The following OTUD7A variants were observed in gnomAD, a reference collection of about 807,000 sequenced individuals.
The protein encoded by OTUD7A is OTU domain-containing protein 7A.
OTUD7A carries 12 observed loss-of-function variants against 65.7 expected under a neutral mutation model. The observed-to-expected ratio is 0.18, with a 90% confidence interval of 0.12 to 0.30. The LOEUF is 0.30. Among genes scored for constraint, OTUD7A ranks in the 10% least tolerant of loss-of-function variants. The pLI, the probability that OTUD7A is intolerant of heterozygous loss-of-function variation, is 1.00. For synonymous variants in OTUD7A, 641 were observed against 586.3 expected (o/e 1.09, Z -1.35); for missense variants, 1,148 against 1,304.8 (o/e 0.88, Z 1.85).
intron 1 of OTUD7A, among the ~76,000 whole-genome samples, chr15:31,793,030 T>C (rs1056397669): frequency 6.6e-6 from 1 of 152,178 alleles, no homozygotes; most frequent in Non-Finnish European, 1.5e-5. Context: ...AGATGGCGTG[T>C]GGGCACAGGA....
intron 4 of OTUD7A, among the ~76,000 whole-genome samples, chr15:31,569,592 T>C (rs1888981715): frequency 6.6e-6 from 1 of 152,248 alleles, no homozygotes; most frequent in Admixed American, 6.5e-5. Context: ...TCCTTTGTTA[T>C]AATAAGCATA....
intron 3 of OTUD7A, among the ~76,000 whole-genome samples, chr15:31,578,022 A>G (rs1336941671): frequency 6.6e-6 from 1 of 152,148 alleles, no homozygotes; most frequent in Admixed American, 6.5e-5. Context: ...AGACTCAACA[A>G]TGGAACATAA....
intron 5 of OTUD7A, among the ~76,000 whole-genome samples, chr15:31,535,674 GTT>G (rs55826357): frequency 0.048 from 5,375 of 111,926 alleles, 184 homozygotes; most frequent in African/African-American, 0.18. Flanking sequence ...TTCTGTTTTT[GTT>G]TTTTTTTTTT....
chr15:31,545,205 G>T (rs1431735564), intron 5 of OTUD7A, among the ~76,000 whole-genome samples: 2 of 152,120 alleles, frequency 1.3e-5, no homozygotes, highest in East Asian at 1.9e-4. Context: ...ATAAAGAAAA[G>T]ATGATTTCAA....
intron 1 of OTUD7A, among the ~76,000 whole-genome samples, chr15:31,719,349 A>G (rs1427887383): frequency 2.0e-5 from 3 of 151,810 alleles, no homozygotes; most frequent in Non-Finnish European, 4.4e-5. Context: ...ACATGCCAAA[A>G]CTCAGCTGCA....
At chr15:31,776,540 T>C (rs112495402) in intron 1 of OTUD7A, among the ~76,000 whole-genome samples, 118 of 152,286 alleles carry the variant, frequency 7.7e-4, no homozygotes, top group African/African-American at 2.8e-3. Flanking sequence ...GGTTCACCTT[T>C]CCTTGCATTC....
chr15:31,806,502 T>A (rs1896273556), intron 1 of OTUD7A, among the ~76,000 whole-genome samples: 1 of 152,202 alleles, frequency 6.6e-6, no homozygotes, highest in Non-Finnish European at 1.5e-5. Flanking sequence ...TAAAAAGGCC[T>A]GTTACAATTT....
intron 5 of OTUD7A, among the ~76,000 whole-genome samples, chr15:31,532,115 C>T (rs929131450): frequency 4.6e-5 from 7 of 152,074 alleles, no homozygotes; most frequent in Admixed American, 2.0e-4. Flanking sequence ...CAAATATATA[C>T]CCTTTTAAAC....
rs189665568 is a variant in OTUD7A, at chr15:31,554,043, G to C, written c.550+4926C>G. Among the ~76,000 whole-genome samples, 719 of 152,232 alleles carry C rather than the reference G, an allele frequency of 4.7e-3. 25 individuals carry two copies. The highest frequency in any genetic ancestry group is 0.042 in the Admixed American group (648 of 15,292). On this transcript the variant is annotated intron_variant, in intron 5 of 12. Transcript: ENST00000307050. ...AAATCCTCTCACCCTCGCTCCACCA[G>C]CTCAGGTGACACTGGCTTCCTTAAA...
At chr15:31,664,855 C>T (rs1358529288) in intron 1 of OTUD7A, among the ~76,000 whole-genome samples, 1 of 152,134 alleles carries the variant, frequency 6.6e-6, no homozygotes, top group Non-Finnish European at 1.5e-5. Context: ...GATGAGGATC[C>T]TGTTCCATTC....
chr15:31,836,752 C>G (rs1343157211), intron 1 of OTUD7A, among the ~76,000 whole-genome samples: 1 of 152,146 alleles, frequency 6.6e-6, no homozygotes, highest in Non-Finnish European at 1.5e-5. Context: ...ACCACCAGAT[C>G]ATATCAACTG....
chr15:31,584,753 C>T (rs918293581), intron 3 of OTUD7A, among the ~76,000 whole-genome samples: 1 of 152,034 alleles, frequency 6.6e-6, no homozygotes, highest in African/African-American at 2.4e-5. Flanking sequence ...AAGGGGTGCC[C>T]AATAGATGCA....
chr15:31,826,369 G>C (rs560553091), intron 1 of OTUD7A, among the ~76,000 whole-genome samples: 57 of 152,376 alleles, frequency 3.7e-4, no homozygotes, highest in African/African-American at 1.3e-3. Flanking sequence ...TGCACCATCT[G>C]AAGCCACAGC....
chr15:31,500,192 C>A (rs561603394), intron 10 of OTUD7A, among the ~76,000 whole-genome samples: 1 of 152,176 alleles, frequency 6.6e-6, no homozygotes, highest in Non-Finnish European at 1.5e-5. Flanking sequence ...GTCAGCCCTA[C>A]GAAGAGCTAA....
chr15:31,598,628 A>C (rs1167500662), intron 3 of OTUD7A, among the ~76,000 whole-genome samples: 3 of 152,056 alleles, frequency 2.0e-5, no homozygotes, highest in African/African-American at 7.2e-5. Context: ...TCCATACCCC[A>C]GTGGTGCCTG....
rs552988274 is a variant in OTUD7A at position 31,563,758 on chromosome 15, G to A, written c.332-4571C>T. 3.9e-5 allele frequency among the ~76,000 whole-genome samples: 6 copies of A among 152,350 alleles called. No individual in the cohort carries two copies. The South Asian group carries it at 1.2e-3, about 32-fold the overall frequency. On this transcript the variant is annotated intron_variant, in intron 4 of 12. Transcript: ENST00000307050. ...CCCTACAGGAAACAAGGACTTTCTA[G>A]AAGAGAGGAGCTGGGAGCAGCCCTC...
chr15:31,709,187 A>C (rs553136446), intron 1 of OTUD7A, among the ~76,000 whole-genome samples: 2 of 151,764 alleles, frequency 1.3e-5, no homozygotes, highest in South Asian at 4.1e-4. Context: ...TGCTAGAGCA[A>C]GGATGCTATG....
At chr15:31,600,976 T>G in intron 3 of OTUD7A, among the ~76,000 whole-genome samples, 1 of 152,100 alleles carries the variant, frequency 6.6e-6, no homozygotes, top group East Asian at 1.9e-4. Flanking sequence ...CTTAGAGACC[T>G]ACAAAGAGAC....
chr15:31,726,624 C>T (rs1893896978), intron 1 of OTUD7A, among the ~76,000 whole-genome samples: 1 of 152,174 alleles, frequency 6.6e-6, no homozygotes, highest in African/African-American at 2.4e-5. Context: ...AGCCCCTTTC[C>T]CAAGACGTAT....
Sources: allele counts gnomAD v4.1 joint callset (sites outside exome capture counted in the v4.1 genomes callset), GRCh38; gene constraint gnomAD v4.1.1; transcripts MANE v1.5; gene names NCBI Gene and HGNC (gene_info 2026-07-23, HGNC 2026-07-21).